CDH18: variants seen among roughly 807,000 people sequenced by gnomAD.
The protein encoded by CDH18 is cadherin 18, also known as cadherin-18.
In CDH18, 31 loss-of-function variants were observed where a neutral mutation model predicts 67.9. That is an observed-to-expected ratio of 0.46 (90% CI 0.34 to 0.62). The LOEUF (loss-of-function observed/expected upper bound fraction) is 0.62, where lower values mean the gene tolerates loss of function less well. CDH18 is among the 20% of genes least tolerant of loss of function. CDH18 has a pLI of 0.01. For synonymous variants in CDH18, 362 were observed against 347.2 expected (o/e 1.04, Z -0.48); for missense variants, 890 against 975.5 (o/e 0.91, Z 1.17).
chr5:20,408,488 T>C (rs1746492890), intron 1 of CDH18, among the ~76,000 whole-genome samples: 1 of 151,980 alleles, frequency 6.6e-6, no homozygotes, highest in Non-Finnish European at 1.5e-5. Flanking sequence ...AGAATTTGTA[T>C]GCCATTGAAG....
chr5:19,712,994 A>G lies in CDH18; in HGVS notation c.643+8353T>C, dbSNP rs546078152. Among the ~76,000 whole-genome samples, 7 of 152,066 alleles carry G rather than the reference A, an allele frequency of 4.6e-5. No individual in the cohort carries two copies. The South Asian group carries it at 1.5e-3, about 32-fold the overall frequency. ...TTTAATCAGGTTTAAAGACTAAAGAACACAATCGCAATGTTTCCTGTTATC... is the reference window on the plus strand; with the variant it reads ...TTTAATCAGGTTTAAAGACTAAAGAGCACAATCGCAATGTTTCCTGTTATC... On this transcript the variant is annotated intron_variant, in intron 5 of 12. Coordinates refer to ENST00000382275, the MANE Select transcript of CDH18 (RefSeq NM_004934.5).
At chr5:20,057,849 G>T (rs1298340437) in intron 2 of CDH18, among the ~76,000 whole-genome samples, 1 of 152,068 alleles carries the variant, frequency 6.6e-6, no homozygotes, top group African/African-American at 2.4e-5. Context: ...TGAGAATGTG[G>T]TGTGCTGAAA....
chr5:20,091,475 G>C (rs1052778997), intron 2 of CDH18, among the ~76,000 whole-genome samples: 1 of 152,162 alleles, frequency 6.6e-6, no homozygotes, highest in Non-Finnish European at 1.5e-5. Context: ...TGGCACTCCA[G>C]CCTGGGTGAC....
intron 1 of CDH18, among the ~76,000 whole-genome samples, chr5:20,337,960 G>C (rs1366937854): frequency 2.0e-5 from 3 of 152,184 alleles, no homozygotes. Context: ...GTCTTACATG[G>C]ATGGCAGTAG....
intron 1 of CDH18, among the ~76,000 whole-genome samples, chr5:20,486,955 C>A (rs894050098): frequency 2.6e-5 from 4 of 152,142 alleles, no homozygotes; most frequent in African/African-American, 9.7e-5. Context: ...GCAGAAGATG[C>A]TGCCTTCCGG....
At chr5:19,543,382 C>T (rs2127077659) in intron 9 of CDH18, among the ~76,000 whole-genome samples, 1 of 152,164 alleles carries the variant, frequency 6.6e-6, no homozygotes, top group African/African-American at 2.4e-5. Flanking sequence ...GAGCCTAAAC[C>T]TGGCTGTTGA....
At chr5:19,554,596 A>G (rs1221350775) in intron 8 of CDH18, among the ~76,000 whole-genome samples, 1 of 151,882 alleles carries the variant, frequency 6.6e-6, no homozygotes, top group Non-Finnish European at 1.5e-5. Flanking sequence ...CATGAAATAC[A>G]TAAGCTATTT....
chr5:20,190,158 C>T (rs899925295), intron 2 of CDH18, among the ~76,000 whole-genome samples: 1 of 152,094 alleles, frequency 6.6e-6, no homozygotes, highest in African/African-American at 2.4e-5. Flanking sequence ...GTGAGCTGTC[C>T]TCAGAGGTCC....
intron 10 of CDH18, among the ~76,000 whole-genome samples, chr5:19,510,467 A>G (rs1404561789): frequency 6.6e-6 from 1 of 152,202 alleles, no homozygotes; most frequent in Non-Finnish European, 1.5e-5. Context: ...TAATAAGTTC[A>G]ATTATCTTAT....
chr5:20,525,863 C>A (rs926941491), intron 1 of CDH18, among the ~76,000 whole-genome samples: 1 of 151,946 alleles, frequency 6.6e-6, no homozygotes, highest in African/African-American at 2.4e-5. Flanking sequence ...ATTCACTCAT[C>A]CACTCATCTT....
chr5:19,939,362 C>A (rs778645374), intron 2 of CDH18, among the ~76,000 whole-genome samples: 2 of 151,212 alleles, frequency 1.3e-5, no homozygotes, highest in Non-Finnish European at 3.0e-5. Flanking sequence ...AAAAAAATTT[C>A]CTTTCTCAAT....
chr5:19,863,562 C>T lies in CDH18; in HGVS notation c.-256-24320G>A, dbSNP rs78351973. 5.1e-4 allele frequency among the ~76,000 whole-genome samples: 78 copies of T among 152,284 alleles called. No homozygotes were observed. The East Asian group carries it at 0.014, about 28-fold the overall frequency. On this transcript the variant is annotated intron_variant, in intron 2 of 12. Coordinates refer to ENST00000382275, the MANE Select transcript of CDH18 (RefSeq NM_004934.5). ...TTGCCTCATCCTCCTCCCCATGACACCGTTAATTGGGCTTGACCCTGAACT... is the reference window on the plus strand; with the variant it reads ...TTGCCTCATCCTCCTCCCCATGACATCGTTAATTGGGCTTGACCCTGAACT...
rs1741670772 is a variant in CDH18 at position 20,053,889 on chromosome 5, G to T, written c.-517-61875C>A. Among the ~76,000 whole-genome samples the T allele has an allele frequency of 2.0e-5, 3 of 152,158 alleles. No individual in the cohort carries two copies. The South Asian group carries it at 6.2e-4, about 32-fold the overall frequency. ...ATAAGAGCTTAGGTACTAGCTTCAA[G>T]GTGAGACAATGCTCAAGAAACAGTC... On this transcript the variant is annotated intron_variant, in intron 2 of 14. Coordinates refer to the CDH18 transcript ENST00000507958.
intron 1 of CDH18, among the ~76,000 whole-genome samples, chr5:20,510,316 A>G (rs1455420204): frequency 9.2e-5 from 14 of 152,134 alleles, no homozygotes; most frequent in Admixed American, 9.2e-4. Flanking sequence ...AATATGATTT[A>G]TGAATACTTT....
At chr5:19,562,525 G>A (rs188157648) in intron 8 of CDH18, among the ~76,000 whole-genome samples, 4 of 152,104 alleles carry the variant, frequency 2.6e-5, no homozygotes, top group Admixed American at 1.3e-4. Context: ...ACCTCACCAA[G>A]GTCACAATAA....
At position 19,490,137 on chromosome 5, in the gene CDH18, CTA is replaced by C. The variant is rs542970309; in HGVS notation, c.1631-6587_1631-6586del. Among the ~76,000 whole-genome samples the C allele has an allele frequency of 2.1e-3, 325 of 151,268 alleles. 2 individuals carry two copies. The highest frequency in any genetic ancestry group is 7.5e-3 in the African/African-American group (308 of 41,132). On this transcript the variant is annotated intron_variant, in intron 11 of 12. Coordinates refer to ENST00000382275, the MANE Select transcript of CDH18 (RefSeq NM_004934.5). ...TTTGGAGTCACTAGATTTATAAACACTAAAAAAAAATTGTAAGCATAAATCCT... is the reference window on the plus strand; with the variant it reads ...TTTGGAGTCACTAGATTTATAAACACAAAAAAAATTGTAAGCATAAATCCT...
At chr5:20,101,184 A>G (rs1746434363) in intron 2 of CDH18, among the ~76,000 whole-genome samples, 1 of 151,948 alleles carries the variant, frequency 6.6e-6, no homozygotes, top group Non-Finnish European at 1.5e-5. Context: ...TTAGTCTGGA[A>G]TTTCTGGGCT....
chr5:20,518,009 C>G (rs1202757975), intron 1 of CDH18, among the ~76,000 whole-genome samples: 2 of 151,910 alleles, frequency 1.3e-5, no homozygotes, highest in African/African-American at 2.4e-5. Context: ...TTCCAGGAAC[C>G]TTTATTTTTT....
intron 3 of CDH18, among the ~76,000 whole-genome samples, chr5:19,811,101 A>C (rs1778619457): frequency 1.5e-5 from 1 of 68,900 alleles, no homozygotes; most frequent in African/African-American, 6.2e-5. Flanking sequence ...AAAGAAAGAA[A>C]GAAAGAAAGA....
Sources: gnomAD v4.1 joint callset for allele counts (sites outside exome capture counted in the v4.1 genomes callset) on GRCh38, gnomAD v4.1.1 for gene constraint, MANE v1.5 for transcripts, NCBI Gene and HGNC (gene_info 2026-07-23, HGNC 2026-07-21) for gene names.